The following SERF1B variants were observed in gnomAD, a reference collection of about 807,000 sequenced individuals.
The protein encoded by SERF1B is small EDRK-rich factor 1.
At position 70,029,184 on chromosome 5, in the gene SERF1B, G is replaced by A. The variant is rs1294942137; in HGVS notation, c.116+2669G>A. Reference sequence around the variant, plus strand: ...AGAGTCTTATTCTGTTGCCCATGCTGGAGGGCAGTGGCGTGATCTCGGCTC... The same window carrying A: ...AGAGTCTTATTCTGTTGCCCATGCTAGAGGGCAGTGGCGTGATCTCGGCTC... On this transcript the variant is annotated intron_variant, in intron 2 of 2. Transcript: ENST00000380750. Among the ~76,000 whole-genome samples, 5 of 151,334 alleles carry A rather than the reference G, an allele frequency of 3.3e-5. No homozygotes were observed. The East Asian group carries it at 5.8e-4, about 18-fold the overall frequency.
rs1774263879 is a variant in SERF1B, at chr5:70,041,780, T to G, written c.*40T>G. The G allele has an allele frequency of 1.7e-6, 1 of 583,512 alleles. No homozygotes were observed. The highest frequency in any genetic ancestry group is 3.0e-6 in the Non-Finnish European group (1 of 333,164). The allele number at this position is 583,512 out of a possible 1,614,324, so 36.1% of individuals were successfully genotyped here. ...TAGGATGATCTCATTTGGAAATCCT[T>G]AATTTCATCTACAAAAACTGTTTTC... On this transcript the variant is annotated 3_prime_UTR_variant, in exon 3 of 3. Coordinates refer to ENST00000380750, the MANE Select transcript of SERF1B (RefSeq NM_022978.3).
intron 2 of SERF1B, among the ~76,000 whole-genome samples, chr5:70,036,536 G>A (rs1236075932): frequency 1.1e-4 from 14 of 121,752 alleles, no homozygotes; most frequent in South Asian, 4.9e-4. Flanking sequence ...GCAGTGAGCC[G>A]AGATTGCACC....
intron 2 of SERF1B, among the ~76,000 whole-genome samples, chr5:70,036,913 A>T (rs1196901087): frequency 3.4e-5 from 2 of 59,378 alleles, no homozygotes; most frequent in African/African-American, 1.8e-4. Context: ...AAGACATGAA[A>T]CTTACTACAG....
intron 2 of SERF1B, among the ~76,000 whole-genome samples, chr5:70,035,383 A>ATT (rs763970203): frequency 3.7e-5 from 5 of 136,570 alleles, no homozygotes; most frequent in Non-Finnish European, 6.4e-5. Context: ...TATTATTATT[A>ATT]TTTTTTTTTT....
chr5:70,029,444 C>CTT (rs61013564), intron 2 of SERF1B, among the ~76,000 whole-genome samples: 378 of 121,740 alleles, frequency 3.1e-3, no homozygotes, highest in African/African-American at 9.3e-3. Context: ...CCAGTTATAC[C>CTT]TTTTTTTTTT....
At chr5:70,029,039 A>G (rs1774104707) in intron 2 of SERF1B, among the ~76,000 whole-genome samples, 2 of 151,998 alleles carry the variant, frequency 1.3e-5, no homozygotes, top group African/African-American at 2.4e-5. Context: ...GGATATCTCT[A>G]TGCTCAAACA....
At chr5:70,036,629 A>ACTCTCTCTCTCTCT (rs1554065559) in intron 2 of SERF1B, among the ~76,000 whole-genome samples, 805 of 49,926 alleles carry the variant, frequency 0.016, 5 homozygotes, top group East Asian at 0.055. Flanking sequence ...ACACACACAC[A>ACTCTCTCTCTCTCT]CTCTCTCTCT....
chr5:70,037,737 G>A (rs1315450355), intron 2 of SERF1B, among the ~76,000 whole-genome samples: 2 of 110,978 alleles, frequency 1.8e-5, no homozygotes, highest in Non-Finnish European at 3.4e-5. Context: ...GAGGTGGGCA[G>A]ATCACCTGAG....
At chr5:70,038,168 A>G (rs1420841578) in intron 2 of SERF1B, among the ~76,000 whole-genome samples, 1 of 150,076 alleles carries the variant, frequency 6.7e-6, no homozygotes, top group African/African-American at 2.5e-5. Context: ...CTTGCCTTTT[A>G]TGAACATATA....
chr5:70,028,806 TCCG>T (rs1774096676), intron 2 of SERF1B, among the ~76,000 whole-genome samples: 1 of 147,106 alleles, frequency 6.8e-6, no homozygotes, highest in Non-Finnish European at 1.5e-5. Context: ...TGAATCCCTG[TCCG>T]TACTAAAAAT....
intron 2 of SERF1B, among the ~76,000 whole-genome samples, chr5:70,036,629 A>ACTTTCT (rs1554065560): frequency 2.0e-5 from 1 of 49,838 alleles, no homozygotes; most frequent in Admixed American, 2.2e-4. Context: ...ACACACACAC[A>ACTTTCT]CTCTCTCTCT....
intron 2 of SERF1B, among the ~76,000 whole-genome samples, chr5:70,029,088 T>C (rs1774106641): frequency 6.6e-6 from 1 of 151,924 alleles, no homozygotes. Context: ...TGGTCAGAGG[T>C]CGAGCATTAA....
At chr5:70,037,880 G>C (rs1580717188) in intron 2 of SERF1B, among the ~76,000 whole-genome samples, 1 of 119,324 alleles carries the variant, frequency 8.4e-6, no homozygotes, top group Non-Finnish European at 1.6e-5. Context: ...AGAATTTCTT[G>C]ACTCTGGGAG....
chr5:70,038,145 A>G (rs1379472180), intron 2 of SERF1B, among the ~76,000 whole-genome samples: 3 of 147,710 alleles, frequency 2.0e-5, no homozygotes, highest in Admixed American at 1.4e-4. Flanking sequence ...AATTGACATA[A>G]TCCTATTAAA....
Position 70,036,629 on chromosome 5 carries a change from A to ACTCTCTCTCTCTCTCT in SERF1B, c.117-4875_117-4860dup, listed in dbSNP as rs1554065559. Among the ~76,000 whole-genome samples, 418 of 49,854 alleles carry ACTCTCTCTCTCTCTCT rather than the reference A, an allele frequency of 8.4e-3. 4 individuals are homozygous for ACTCTCTCTCTCTCTCT. Among genetic ancestry groups the ACTCTCTCTCTCTCTCT allele is most frequent in the East Asian group, 0.04 (51 of 1,266 alleles). 32.7% of individuals were successfully genotyped at this position (49,854 alleles called of 152,430 possible). The stretch of plus-strand genomic sequence containing the variant: ...CACACACACACACACACACACACAC[A>ACTCTCTCTCTCTCTCT]CTCTCTCTCTCTCTCTCTCTCTCTC... On this transcript the variant is annotated intron_variant, in intron 2 of 2. Coordinates refer to ENST00000380750, the MANE Select transcript of SERF1B (RefSeq NM_022978.3).
At chr5:70,038,180 CACATG>C in intron 2 of SERF1B, among the ~76,000 whole-genome samples, 1 of 150,734 alleles carries the variant, frequency 6.6e-6, no homozygotes, top group Non-Finnish European at 1.5e-5. Context: ...GAACATATAT[CACATG>C]ACATAAGTTT....
intron 2 of SERF1B, among the ~76,000 whole-genome samples, chr5:70,036,625 ACACACT>A (rs1420465113): frequency 4.3e-4 from 22 of 51,732 alleles, no homozygotes; most frequent in East Asian, 4.2e-3. Context: ...ACACACACAC[ACACACT>A]CTCTCTCTCT....
At chr5:70,029,444 CTTT>C (rs61013564) in intron 2 of SERF1B, among the ~76,000 whole-genome samples, 1 of 122,338 alleles carries the variant, frequency 8.2e-6, no homozygotes, top group African/African-American at 2.9e-5. Flanking sequence ...CCAGTTATAC[CTTT>C]TTTTTTTTTT....
At chr5:70,036,951 TAAAAAC>T (rs1177517389) in intron 2 of SERF1B, among the ~76,000 whole-genome samples, 19 of 41,962 alleles carry the variant, frequency 4.5e-4, no homozygotes, top group Admixed American at 2.7e-3. Context: ...CTTCACTTCT[TAAAAAC>T]AAAAAAACTT....
Sources: allele counts gnomAD v4.1 joint callset (sites outside exome capture counted in the v4.1 genomes callset), GRCh38; gene constraint gnomAD v4.1.1; transcripts MANE v1.5; gene names NCBI Gene and HGNC (gene_info 2026-07-23, HGNC 2026-07-21).